The following RFPL2 variants were observed in gnomAD, a reference collection of about 807,000 sequenced individuals.
The protein encoded by RFPL2 is ret finger protein-like 2.
A neutral mutation model predicts 17.8 loss-of-function variants in RFPL2; 13 were observed. The observed-to-expected ratio is 0.73, with a 90% CI of 0.47 to 1.16. RFPL2 has a LOEUF of 1.16. RFPL2 is among the 50% of genes most tolerant of loss of function. The pLI is 0.00. For synonymous variants in RFPL2, 189 were observed against 180.9 expected (o/e 1.04, Z -0.36); for missense variants, 431 against 479.3 (o/e 0.90, Z 0.94).
intron 3 of RFPL2, 85 bp downstream of exon 3, chr22:32,194,260 G>T (rs1026573704): frequency 2.0e-6 from 3 of 1,479,596 alleles, no homozygotes; most frequent in African/African-American, 2.9e-5. Flanking sequence ...CATTAATTAC[G>T]AATTTCTCTC....
At chr22:32,194,097 T>G in intron 3 of RFPL2, among the ~76,000 whole-genome samples, 1 of 150,954 alleles carries the variant, frequency 6.6e-6, no homozygotes, top group Non-Finnish European at 1.5e-5. Context: ...CACCAAAAAA[T>G]AAAAAAATAA....
chr22:32,199,932 C>T (rs117753937), intron 2 of RFPL2: 27,829 of 529,068 alleles, frequency 0.053, 907 homozygotes, highest in Non-Finnish European at 0.067. Flanking sequence ...AGCCCAAGGC[C>T]ACCCCCTCGG....
At chr22:32,202,083 G>A (rs531780832) in intron 2 of RFPL2, among the ~76,000 whole-genome samples, 1 of 152,206 alleles carries the variant, frequency 6.6e-6, no homozygotes, top group East Asian at 1.9e-4. Context: ...AACTTTTCCA[G>A]CTTCTAGAGG....
chr22:32,200,268 G>C (rs1048670970), intron 2 of RFPL2: 8 of 253,388 alleles, frequency 3.2e-5, no homozygotes, highest in Admixed American at 3.1e-4. Context: ...TGGGGGCCTG[G>C]AGCTGCAGGA....
intron 4 of RFPL2, 83 bp from the exon 5 acceptor site, chr22:32,191,435 T>C (rs2149523198): frequency 6.8e-7 from 1 of 1,478,058 alleles, no homozygotes; most frequent in Non-Finnish European, 9.1e-7. Flanking sequence ...CCCAAATATC[T>C]CTTGACTTTA....
intron 4 of RFPL2, among the ~76,000 whole-genome samples, chr22:32,191,630 T>G (rs551431811): frequency 6.6e-6 from 1 of 152,334 alleles, no homozygotes; most frequent in Non-Finnish European, 1.5e-5. Flanking sequence ...TGGAGGGTCT[T>G]TGAAGGCAGA....
At chr22:32,192,407 A>G (rs914887431) in intron 4 of RFPL2, among the ~76,000 whole-genome samples, 3 of 152,214 alleles carry the variant, frequency 2.0e-5, no homozygotes, top group Admixed American at 1.3e-4. Flanking sequence ...AACAAACACC[A>G]TAGGTGCTCC....
chr22:32,196,337 A>G (rs1489420118), intron 2 of RFPL2, among the ~76,000 whole-genome samples: 1 of 152,232 alleles, frequency 6.6e-6, no homozygotes, highest in African/African-American at 2.4e-5. Context: ...CACATATTAA[A>G]TGAAGATTTT....
chr22:32,204,382 AC>A (rs1423450560), intron 1 of RFPL2, among the ~76,000 whole-genome samples: 5 of 152,064 alleles, frequency 3.3e-5, no homozygotes, highest in African/African-American at 1.2e-4. Context: ...CCGGTAAAGC[AC>A]CCAACCTTCC....
intron 1 of RFPL2, 64 bp from the exon 2 acceptor site, chr22:32,202,614 G>A: frequency 7.0e-7 from 1 of 1,425,744 alleles, no homozygotes. Flanking sequence ...CTGGGTGGCA[G>A]GGGCCGGTTT....
At chr22:32,199,255 A>G (rs973620696) in intron 2 of RFPL2, among the ~76,000 whole-genome samples, 2 of 152,104 alleles carry the variant, frequency 1.3e-5, no homozygotes, top group African/African-American at 4.8e-5. Context: ...ACAGAAGGAC[A>G]TGCTGTTCGT....
At chr22:32,197,373 T>C (rs1425838355) in intron 2 of RFPL2, among the ~76,000 whole-genome samples, 1 of 152,096 alleles carries the variant, frequency 6.6e-6, no homozygotes, top group Non-Finnish European at 1.5e-5. Context: ...ACACCCACAG[T>C]CCAGAAGCCA....
Position 32,202,528 on chromosome 22 carries a change from C to T in RFPL2, c.-77G>A, listed in dbSNP as rs1395750422. 20 of 1,540,248 alleles carry T rather than the reference C, an allele frequency of 1.3e-5. No homozygotes were observed. In the African/African-American group the frequency reaches 1.8e-4, roughly 14 times the overall value. On this transcript the variant is annotated 5_prime_UTR_variant, in exon 2 of 5. Transcript: ENST00000652607. Reference sequence around the variant, plus strand: ...GCTCCTTCTCAGGGCACTGGGCATCCGGGCAGACAAAGCCAGAAAAGCCTA... The same window carrying T: ...GCTCCTTCTCAGGGCACTGGGCATCTGGGCAGACAAAGCCAGAAAAGCCTA...
intron 2 of RFPL2, among the ~76,000 whole-genome samples, chr22:32,201,236 C>T (rs1923891466): frequency 6.6e-6 from 1 of 152,050 alleles, no homozygotes; most frequent in African/African-American, 2.4e-5. Flanking sequence ...GACGGGGTTT[C>T]ACCATATTAG....
chr22:32,194,418 C>A lies in RFPL2; in HGVS notation c.192G>T (p.Ser64=), dbSNP rs3986036. The change falls in exon 3 of 5, where the codon TCG becomes TCT. Residue 64 remains serine (S), a synonymous_variant. Coordinates refer to ENST00000652607, the MANE Select transcript of RFPL2 (RefSeq NM_001394555.1). ...GGGNLTNKRP[S]CAPSPQDLSA... ...TCAGGTCTTGTGGGGAAGGGGCACA[C>A]GAGGGCCTTTTATTGGTGAGATTCC... The A allele has an allele frequency of 2.5e-6, 4 of 1,611,324 alleles. No individual in the cohort carries two copies. In the East Asian group the frequency reaches 6.7e-5, roughly 27 times the overall value.
rs1923082615 is a variant in RFPL2 at position 32,194,337 on chromosome 22, G to A, written c.265+8C>T. On this transcript the variant is annotated splice_region_variant and intron_variant, in intron 3 of 4. Coordinates refer to ENST00000652607, the MANE Select transcript of RFPL2 (RefSeq NM_001394555.1). ...AGAGGAAAAACACACACACAGGCATGGGCTCACCTCTTCTGCTGGAAGCTC... is the reference window on the plus strand; with the variant it reads ...AGAGGAAAAACACACACACAGGCATAGGCTCACCTCTTCTGCTGGAAGCTC... 2 of 1,602,060 alleles carry A rather than the reference G, an allele frequency of 1.2e-6. No homozygotes were observed. Among genetic ancestry groups the A allele is most frequent in the Admixed American group, 1.8e-5 (1 of 56,536 alleles).
intron 3 of RFPL2, chr22:32,193,410 C>A: frequency 6.6e-7 from 1 of 1,518,788 alleles, no homozygotes; most frequent in South Asian, 1.3e-5. Flanking sequence ...TCACTGTGCT[C>A]TGAGCTGAGG....
chr22:32,196,796 T>C (rs562769873), intron 2 of RFPL2, among the ~76,000 whole-genome samples: 1 of 152,098 alleles, frequency 6.6e-6, no homozygotes. Flanking sequence ...TAGTGCAGGG[T>C]GAGGCAGCCA....
At chr22:32,199,537 G>A (rs1280510342) in intron 2 of RFPL2, among the ~76,000 whole-genome samples, 2 of 152,200 alleles carry the variant, frequency 1.3e-5, no homozygotes, top group East Asian at 3.9e-4. Flanking sequence ...ACCCAGAGCA[G>A]CTGTGTCAGG....
Sources: gnomAD v4.1 joint callset for allele counts (sites outside exome capture counted in the v4.1 genomes callset) on GRCh38, gnomAD v4.1.1 for gene constraint, MANE v1.5 for transcripts, NCBI Gene and HGNC (gene_info 2026-07-23, HGNC 2026-07-21) for gene names.